RNF216: variants seen among roughly 807,000 people sequenced by gnomAD.
RNF216 encodes E3 ubiquitin-protein ligase RNF216.
Under a neutral mutation model 110.8 loss-of-function variants are expected in RNF216, and 72 were observed. The observed-to-expected ratio is 0.65, with a 90% CI of 0.54 to 0.79. The LOEUF is 0.79. Among genes scored for constraint, RNF216 ranks in the 30% least tolerant of loss-of-function variants. The probability of loss-of-function intolerance (pLI) is 0.00; values close to 1 mark genes in which losing one functional copy is unlikely to be tolerated. For missense variants in RNF216, 1,342 were observed against 1,141.2 expected, an observed-to-expected ratio of 1.18 and a Z score of -2.54; for synonymous variants, 495 against 407.5, an observed-to-expected ratio of 1.21 and a Z score of -2.59.
intron 9 of RNF216, among the ~76,000 whole-genome samples, chr7:5,717,562 A>T (rs1469741396): frequency 6.6e-6 from 1 of 152,178 alleles, no homozygotes; most frequent in Non-Finnish European, 1.5e-5. Flanking sequence ...TGTATGCACA[A>T]ACTTATCATG....
chr7:5,689,934 C>CAA (rs1355642051), intron 13 of RNF216, among the ~76,000 whole-genome samples: 1 of 122,478 alleles, frequency 8.2e-6, no homozygotes. Context: ...CTGTCTCAAA[C>CAA]AAAAAAAAAA....
chr7:5,684,869 CAAG>C (rs1790878328), intron 13 of RNF216, among the ~76,000 whole-genome samples: 1 of 137,258 alleles, frequency 7.3e-6, no homozygotes, highest in African/African-American at 2.8e-5. Flanking sequence ...AAATTTTCCC[CAAG>C]AAGGAAAGGG....
At position 5,755,431 on chromosome 7, in the gene RNF216, G is replaced by C. The variant is rs1357069108; in HGVS notation, c.68-2452C>G. Among the ~76,000 whole-genome samples, 3 of 152,108 alleles carry C rather than the reference G, an allele frequency of 2.0e-5. No individual in the cohort carries two copies. In the East Asian group the frequency reaches 5.8e-4, roughly 29 times the overall value. On this transcript the variant is annotated intron_variant, in intron 2 of 16. Coordinates refer to ENST00000389902, the MANE Select transcript of RNF216 (RefSeq NM_207111.4). The stretch of plus-strand genomic sequence containing the variant: ...TACAAGCTCTATGAATTAATACAAA[G>C]GGCCATCTGTGTATAATCACCACCA...
At chr7:5,708,783 G>A (rs76428382) in intron 13 of RNF216, among the ~76,000 whole-genome samples, 2,088 of 152,236 alleles carry the variant, frequency 0.014, 44 homozygotes, top group African/African-American at 0.048. Flanking sequence ...TCTAGAGTAG[G>A]TTGGGTTCTG....
At position 5,664,702 on chromosome 7, in the gene RNF216, G is replaced by A. The variant is rs563171830; in HGVS notation, c.2062-12192C>T. On this transcript the variant is annotated intron_variant, in intron 13 of 16. Coordinates refer to ENST00000389902, the MANE Select transcript of RNF216 (RefSeq NM_207111.4). ...GTTGCCGCCCAAGGGTAGGCTGCAC[G>A]CTTCCCCCACTGGCCAGCATTCTCC... 3.9e-5 allele frequency among the ~76,000 whole-genome samples: 6 copies of A among 152,310 alleles called. No homozygotes were observed. The South Asian group carries it at 6.2e-4, about 16-fold the overall frequency.
rs201710919 is a variant in RNF216 at position 5,712,735 on chromosome 7, G to C, written c.1962C>G (p.Ala654=). ...CGAACCTGACAAGCTCGTCGGCGTA[G>C]GCTGCCGCAACCTCCTCCTCGGCTT... is the stretch of plus-strand genomic sequence containing the variant. ...ERKAEEEVAA[A]YADELVRCPS... is the part of the protein sequence containing the mutation. Residue 654 remains alanine (A), a synonymous_variant, in exon 12 of 17, where the codon GCC becomes GCG. Coordinates refer to ENST00000389902, the MANE Select transcript of RNF216 (RefSeq NM_207111.4). 5.0e-6 allele frequency: 8 copies of C among 1,613,942 alleles called. No homozygotes were observed. The Admixed American group carries it at 8.3e-5, about 17-fold the overall frequency.
In RNF216 at chr7:5,624,516, G is replaced by A. The variant is rs963329202; in HGVS notation, c.2383-391C>T. On this transcript the variant is annotated intron_variant, in intron 15 of 16. Transcript: ENST00000389902. The surrounding 1 kb of genome is among the most constrained non-coding windows in gnomAD (Gnocchi z 4.4). ...TCAGATCCCAAGTCCACAAGCGCTC[G>A]GCATGGCAGCCTGTCTGCAGAGCCT... Among the ~76,000 whole-genome samples the A allele has an allele frequency of 1.2e-4, 18 of 152,240 alleles. No homozygotes were observed. Among genetic ancestry groups the A allele is most frequent in the African/African-American group, 3.9e-4 (16 of 41,482 alleles).
At position 5,652,227 on chromosome 7, in the gene RNF216, A is replaced by G. The variant is rs372865139; in HGVS notation, c.2159+186T>C. ...TTTATATGTTAGTTTGTCTTCTGAA[A>G]TAACTCCATGAGGCTGCAGAGATGA... On this transcript the variant is annotated intron_variant, in intron 14 of 16. Transcript: ENST00000389902. Among the ~76,000 whole-genome samples, 4 of 152,322 alleles carry G rather than the reference A, an allele frequency of 2.6e-5. No individual in the cohort carries two copies. In the East Asian group the frequency reaches 5.8e-4, roughly 22 times the overall value.
intron 1 of RNF216, chr7:5,775,204 C>A (rs909725768): frequency 3.3e-5 from 5 of 152,120 alleles, no homozygotes; most frequent in African/African-American, 1.2e-4. Flanking sequence ...TTAGGATTTT[C>A]TTCAGTTATC....
At chr7:5,744,619 T>C (rs560085334) in intron 3 of RNF216, among the ~76,000 whole-genome samples, 2 of 152,296 alleles carry the variant, frequency 1.3e-5, no homozygotes, top group East Asian at 1.9e-4. Flanking sequence ...AAAGAATACA[T>C]TGGTTCTGAA....
At chr7:5,659,258 A>G (rs903439401) in intron 13 of RNF216, among the ~76,000 whole-genome samples, 3 of 152,218 alleles carry the variant, frequency 2.0e-5, no homozygotes, top group African/African-American at 7.2e-5. Flanking sequence ...ATACAGCAAT[A>G]AACAAGTTAG....
chr7:5,702,483 C>T (rs1249900538), intron 13 of RNF216, among the ~76,000 whole-genome samples: 1 of 152,134 alleles, frequency 6.6e-6, no homozygotes, highest in Non-Finnish European at 1.5e-5. Flanking sequence ...TCTGAATAAT[C>T]ACTGAAACAG....
intron 13 of RNF216, among the ~76,000 whole-genome samples, chr7:5,702,083 G>C (rs983598185): frequency 6.6e-6 from 1 of 152,142 alleles, no homozygotes; most frequent in Non-Finnish European, 1.5e-5. Flanking sequence ...CCGGGTTCTC[G>C]GAGCCCACGC....
At chr7:5,668,224 C>CT (rs10693387) in intron 13 of RNF216, among the ~76,000 whole-genome samples, 3,463 of 139,862 alleles carry the variant, frequency 0.025, 58 homozygotes, top group African/African-American at 0.042. Context: ...GCAAAGCGGA[C>CT]TTTTTTTTTT....
intron 9 of RNF216, among the ~76,000 whole-genome samples, chr7:5,719,654 G>A (rs947110726): frequency 6.6e-6 from 1 of 152,184 alleles, no homozygotes; most frequent in Non-Finnish European, 1.5e-5. Context: ...TGATATCAAT[G>A]AATGTCATTC....
intron 15 of RNF216, among the ~76,000 whole-genome samples, chr7:5,625,314 T>G (rs1786641809): frequency 6.6e-6 from 1 of 152,160 alleles, no homozygotes; most frequent in Non-Finnish European, 1.5e-5. Context: ...CGTGAGAGGA[T>G]TAGCAAGTCC....
rs376378022 is a variant in RNF216, at chr7:5,740,997, G to T, written c.1020C>A (p.Leu340=). The T allele has an allele frequency of 6.2e-7, 1 of 1,605,634 alleles. No individual in the cohort carries two copies. The highest frequency in any genetic ancestry group is 1.4e-5 in the African/African-American group (1 of 74,032). The change falls in exon 4 of 17, where the codon CTC becomes CTA. Residue 340 remains leucine (L), a synonymous_variant. Transcript: ENST00000389902. ...GQEAAEVDQE[L]VELLVKETEA... ...CCGTTTCTTTCACTAGTAGTTCAAC[G>T]AGCTCTTGATCTACCTCTGCAGCTT...
chr7:5,780,256 G>A (rs1797007365), intron 1 of RNF216: 2 of 152,184 alleles, frequency 1.3e-5, no homozygotes, highest in African/African-American at 2.4e-5. Flanking sequence ...AGGCCCACCA[G>A]GGCAAAATGA....
At position 5,738,201 on chromosome 7, in the gene RNF216, T is replaced by TA. The variant is rs550204032; in HGVS notation, c.1121+1074dup. On this transcript the variant is annotated intron_variant, in intron 5 of 16. Coordinates refer to ENST00000389902, the MANE Select transcript of RNF216 (RefSeq NM_207111.4). ...ATATTCTTCAGGAAAACTTATTTTT[T>TA]AAAAAAGCATATTTACCACTTATAA... 2.4e-3 allele frequency among the ~76,000 whole-genome samples: 369 copies of TA among 152,124 alleles called. 1 individual carries two copies. The highest frequency in any genetic ancestry group is 7.5e-3 in the African/African-American group (311 of 41,484).
Sources: allele counts gnomAD v4.1 joint callset (sites outside exome capture counted in the v4.1 genomes callset), GRCh38; gene constraint gnomAD v4.1.1; non-coding constraint Gnocchi (gnomAD v3.1); transcripts MANE v1.5; gene names NCBI Gene and HGNC (gene_info 2026-07-23, HGNC 2026-07-21).